IQSEC1: variants seen among roughly 807,000 people sequenced by gnomAD.
IQSEC1 encodes the protein IQ motif and Sec7 domain ArfGEF 1.
In IQSEC1, 31 loss-of-function variants were observed where a neutral mutation model predicts 91.0. That is an observed-to-expected ratio of 0.34 (90% CI 0.26 to 0.46). The LOEUF (loss-of-function observed/expected upper bound fraction) is 0.46. Ranked by LOEUF, IQSEC1 falls within the 20% of genes least tolerant of loss-of-function variation. The pLI, the probability that IQSEC1 is intolerant of heterozygous loss-of-function variation, is 1.00. For missense variants in IQSEC1, 1,388 were observed against 1,575.6 expected, an observed-to-expected ratio of 0.88 and a Z score of 2.02; for synonymous variants, 699 against 662.6, an observed-to-expected ratio of 1.05 and a Z score of -0.84.
intron 1 of IQSEC1, among the ~76,000 whole-genome samples, chr3:13,226,469 T>G (rs138032283): frequency 6.6e-6 from 1 of 152,154 alleles, no homozygotes. Context: ...ATAAAAATTC[T>G]TGACCCCCCA....
Position 12,897,220 on chromosome 3 carries a change from A to G in IQSEC1, c.*3763T>C, listed in dbSNP as rs1693733662. The G allele has an allele frequency of 1.3e-5, 2 of 152,250 alleles. No individual in the cohort carries two copies. Among genetic ancestry groups the G allele is most frequent in the African/African-American group, 4.8e-5 (2 of 41,458 alleles). The allele number at this position is 152,250 out of a possible 1,614,324, so 9.4% of individuals were successfully genotyped here. A position where few individuals can be genotyped will look rare whatever the true frequency, so the allele number is the denominator to read the frequency against. ...ACTTTTCAGAAAAAGTGAGAATCCG[A>G]GAGTTTCAAAGGATTTATTTGATTT... On this transcript the variant is annotated 3_prime_UTR_variant, in exon 14 of 14. Transcript: ENST00000613206.
At position 12,936,465 on chromosome 3, in the gene IQSEC1, G is replaced by T; in HGVS notation, c.551C>A (p.Ser184Ter). 6.2e-7 allele frequency: 1 copy of T among 1,610,814 alleles called. No homozygotes were observed. ...CAGCTGGGAGCCGTCGTTAGTCACT[G>T]AGACCTGCTTCCCCTCGAAGTAGGA... ...HSSYFEGKQV[S>*]VTNDGSQLGA... Residue 184 changes from serine (S) to a stop codon, truncating the protein, a stop_gained, in exon 3 of 14, where the codon TCA becomes TAA. Coordinates refer to ENST00000613206, the MANE Select transcript of IQSEC1 (RefSeq NM_001134382.3). LOFTEE classifies it high-confidence loss of function.
intron 2 of IQSEC1, among the ~76,000 whole-genome samples, chr3:13,131,670 A>G (rs1435895077): frequency 6.6e-6 from 1 of 152,032 alleles, no homozygotes; most frequent in Non-Finnish European, 1.5e-5. Flanking sequence ...TATTTTTAGT[A>G]GAGACATGGT....
Position 12,909,548 on chromosome 3 carries a change from G to C in IQSEC1, c.2417-114C>G. On this transcript the variant is annotated intron_variant, in intron 10 of 13. Coordinates refer to ENST00000613206, the MANE Select transcript of IQSEC1 (RefSeq NM_001134382.3). The surrounding 1 kb of genome is among the most constrained non-coding windows in gnomAD (Gnocchi z 4.9). ...TGAGTTGTGCGTGAGCCTGGGATAAGTGCCGGGAGTCCAGCCTCCGCAGTG... is the reference window on the plus strand; with the variant it reads ...TGAGTTGTGCGTGAGCCTGGGATAACTGCCGGGAGTCCAGCCTCCGCAGTG... The C allele has an allele frequency of 9.4e-7, 1 of 1,065,148 alleles. No individual in the cohort carries two copies. Among genetic ancestry groups the C allele is most frequent in the Non-Finnish European group, 1.4e-6 (1 of 729,742 alleles). 66.0% of individuals were successfully genotyped at this position (1,065,148 alleles called of 1,614,324 possible). A position where few individuals can be genotyped will look rare whatever the true frequency, so the allele number is the denominator to read the frequency against.
intron 1 of IQSEC1, among the ~76,000 whole-genome samples, chr3:13,245,169 G>A (rs374022343): frequency 5.3e-5 from 8 of 152,216 alleles, no homozygotes; most frequent in East Asian, 1.9e-4. Flanking sequence ...GTGGGCTGCC[G>A]GCAGCTCAGC....
At chr3:13,023,779 C>T (rs1346891309) in intron 1 of IQSEC1, among the ~76,000 whole-genome samples, 1 of 152,252 alleles carries the variant, frequency 6.6e-6, no homozygotes, top group Non-Finnish European at 1.5e-5. Context: ...AAGGCTGTGG[C>T]CTCCCTGGGG....
chr3:13,230,056 T>G lies in IQSEC1; in HGVS notation c.272+52655A>C, dbSNP rs146196872. On this transcript the variant is annotated intron_variant, in intron 1 of 15. Transcript: ENST00000648114. Reference sequence around the variant, plus strand: ...AATTAAAAGATAAAAATAGAAAGTATAAACTTTATTTCTCAACATGAGCTC... The same window carrying G: ...AATTAAAAGATAAAAATAGAAAGTAGAAACTTTATTTCTCAACATGAGCTC... 3.1e-3 allele frequency among the ~76,000 whole-genome samples: 474 copies of G among 152,310 alleles called. 3 individuals are homozygous for G. The highest frequency in any genetic ancestry group is 0.011 in the African/African-American group (456 of 41,566).
chr3:12,991,422 G>A (rs940603291), intron 1 of IQSEC1, among the ~76,000 whole-genome samples: 5 of 152,092 alleles, frequency 3.3e-5, no homozygotes, highest in Admixed American at 1.3e-4. Flanking sequence ...TCTGAGATGC[G>A]GCAGTGCGTG....
intron 1 of IQSEC1, among the ~76,000 whole-genome samples, chr3:13,243,372 T>C (rs1184770336): frequency 6.6e-6 from 1 of 152,144 alleles, no homozygotes. Flanking sequence ...AAGGGCTGCC[T>C]GGAAGTCAGG....
chr3:12,961,396 T>G (rs1378513286), intron 1 of IQSEC1, among the ~76,000 whole-genome samples: 1 of 152,352 alleles, frequency 6.6e-6, no homozygotes, highest in African/African-American at 2.4e-5. Flanking sequence ...ACTTTGCAAT[T>G]TCCCCAATCC....
chr3:13,220,489 AT>A (rs1213574972), intron 1 of IQSEC1, among the ~76,000 whole-genome samples: 1 of 152,232 alleles, frequency 6.6e-6, no homozygotes, highest in African/African-American at 2.4e-5. Flanking sequence ...AGACTGAGAC[AT>A]GGGTCTAGAC....
chr3:12,902,892 A>T, intron 12 of IQSEC1, 70 bp from the exon 13 acceptor site: 1 of 1,168,616 alleles, frequency 8.6e-7, no homozygotes, highest in Non-Finnish European at 1.3e-6. Context: ...GCCTGGTGCC[A>T]CGCTGCTGCC....
intron 2 of IQSEC1, among the ~76,000 whole-genome samples, chr3:13,148,329 G>A (rs928754543): frequency 1.3e-5 from 2 of 152,042 alleles, no homozygotes; most frequent in African/African-American, 2.4e-5. Flanking sequence ...GGGGGCCCTC[G>A]GTCACATCCA....
At chr3:13,209,126 C>T (rs1179790994) in intron 1 of IQSEC1, among the ~76,000 whole-genome samples, 1 of 152,190 alleles carries the variant, frequency 6.6e-6, no homozygotes, top group Non-Finnish European at 1.5e-5. Flanking sequence ...GCGAGGCAGC[C>T]AGTTTATATT....
chr3:13,110,543 C>T (rs1248715020), intron 2 of IQSEC1, among the ~76,000 whole-genome samples: 5 of 152,166 alleles, frequency 3.3e-5, no homozygotes, highest in Admixed American at 3.3e-4. Flanking sequence ...GAGCCGAGAT[C>T]GCGCCATTGC....
chr3:13,128,431 T>C (rs563135591), intron 2 of IQSEC1, among the ~76,000 whole-genome samples: 1 of 152,210 alleles, frequency 6.6e-6, no homozygotes, highest in South Asian at 2.1e-4. Context: ...TCATATGATG[T>C]CTCCTTTAGC....
chr3:12,990,238 A>G (rs1307922221), intron 1 of IQSEC1, among the ~76,000 whole-genome samples: 1 of 152,222 alleles, frequency 6.6e-6, no homozygotes, highest in Non-Finnish European at 1.5e-5. Flanking sequence ...ATGGTCCTGC[A>G]GGGCATCTCA....
chr3:12,930,867 T>C (rs1166524437), intron 3 of IQSEC1, among the ~76,000 whole-genome samples: 3 of 152,066 alleles, frequency 2.0e-5, no homozygotes, highest in Non-Finnish European at 2.9e-5. Context: ...GGGGTGAGGA[T>C]AGACTCACCA....
chr3:13,181,228 G>A (rs924195192), intron 1 of IQSEC1, among the ~76,000 whole-genome samples: 3 of 152,174 alleles, frequency 2.0e-5, no homozygotes, highest in East Asian at 1.9e-4. Flanking sequence ...CCAAGATCAC[G>A]CCACTGCACT....
Sources: allele counts gnomAD v4.1 joint callset (sites outside exome capture counted in the v4.1 genomes callset), GRCh38; gene constraint gnomAD v4.1.1; non-coding constraint Gnocchi (gnomAD v3.1); transcripts MANE v1.5; gene names NCBI Gene and HGNC (gene_info 2026-07-23, HGNC 2026-07-21).